Variants in EPB41L3 observed in about 807,000 individuals in gnomAD.
EPB41L3 encodes the protein band 4.1-like protein 3.
In EPB41L3, 57 loss-of-function variants were observed where a neutral mutation model predicts 127.1. That is an observed-to-expected ratio of 0.45 (90% confidence interval 0.36 to 0.56). The LOEUF (loss-of-function observed/expected upper bound fraction) is 0.56, where lower values mean the gene tolerates loss of function less well. Among genes scored for constraint, EPB41L3 ranks in the 20% least tolerant of loss-of-function variants. The pLI, the probability that EPB41L3 is intolerant of heterozygous loss-of-function variation, is 0.00. For synonymous variants in EPB41L3, 572 were observed against 549.5 expected (o/e 1.04, Z -0.57); for missense variants, 1,273 against 1,372.2 (o/e 0.93, Z 1.14).
At position 5,406,915 on chromosome 18, in the gene EPB41L3, C is replaced by T. The variant is rs772020394; in HGVS notation, c.2211G>A (p.Glu737=). Residue 737 remains glutamate (E), a synonymous_variant, in exon 16 of 23, where the codon GAG becomes GAA. Transcript: ENST00000341928. ...AGGTTTCTAAGAAGGTTCTTTTCAG[C>T]TCGCTAATGTTGGTTTGATGTTTCA... ...DLMKHQTNIS[E]LKRTFLETST... is the part of the protein sequence containing the mutation. 6.2e-7 allele frequency: 1 copy of T among 1,614,056 alleles called. No individual in the cohort carries two copies. The highest frequency in any genetic ancestry group is 1.7e-5 in the Admixed American group (1 of 60,012).
At chr18:5,589,722 C>T (rs1785381) in intron 3 of EPB41L3, among the ~76,000 whole-genome samples, 64,964 of 152,096 alleles carry the variant, frequency 0.43, 14,165 homozygotes, top group Non-Finnish European at 0.47. Context: ...GAAAAAGTTA[C>T]GCCAGTCCTC....
chr18:5,524,411 T>C (rs1030063510), intron 1 of EPB41L3, among the ~76,000 whole-genome samples: 10 of 152,130 alleles, frequency 6.6e-5, no homozygotes, highest in Admixed American at 6.5e-4. Context: ...GCCAGGCTGG[T>C]CTCGAACTCC....
At position 5,478,159 on chromosome 18, in the gene EPB41L3, A is replaced by T. The variant is rs577740089; in HGVS notation, c.381+82T>A. 7 of 1,257,678 alleles carry T rather than the reference A, an allele frequency of 5.6e-6. No homozygotes were observed. In the South Asian group the frequency reaches 9.6e-5, roughly 17 times the overall value. 77.9% of individuals were successfully genotyped at this position (1,257,678 alleles called of 1,614,324 possible). On this transcript the variant is annotated intron_variant, in intron 3 of 22. Coordinates refer to ENST00000341928, the MANE Select transcript of EPB41L3 (RefSeq NM_012307.5). ...TAATTTTCCAGAGTCCTAGAAAAAT[A>T]AAGAGGCATCTTGTATATTTTATAC...
chr18:5,540,864 C>T (rs904407769), intron 1 of EPB41L3, among the ~76,000 whole-genome samples: 2 of 151,956 alleles, frequency 1.3e-5, no homozygotes, highest in African/African-American at 2.4e-5. Flanking sequence ...ACGGGTGGAT[C>T]ACGAGGTCAG....
At chr18:5,483,936 G>A (rs970175661) in intron 2 of EPB41L3, among the ~76,000 whole-genome samples, 2 of 150,798 alleles carry the variant, frequency 1.3e-5, no homozygotes, top group African/African-American at 2.4e-5. Flanking sequence ...CAAAGAAACA[G>A]TGGAGTTAAA....
chr18:5,476,982 C>A (rs929303047), intron 3 of EPB41L3, among the ~76,000 whole-genome samples: 6 of 152,188 alleles, frequency 3.9e-5, no homozygotes, highest in South Asian at 2.1e-4. Flanking sequence ...ATACAACAGA[C>A]TAAATAATTT....
intron 15 of EPB41L3, among the ~76,000 whole-genome samples, chr18:5,407,484 T>C (rs992828085): frequency 6.6e-6 from 1 of 152,182 alleles, no homozygotes; most frequent in Non-Finnish European, 1.5e-5. Context: ...TCACCCTTTA[T>C]TCGTTTAATC....
intron 1 of EPB41L3, among the ~76,000 whole-genome samples, chr18:5,515,294 C>T (rs542147594): frequency 7.2e-5 from 11 of 152,304 alleles, no homozygotes; most frequent in African/African-American, 2.6e-4. Context: ...AAAAAGTCTT[C>T]TTCAAGATGG....
chr18:5,527,749 G>A (rs1484988623), intron 1 of EPB41L3, among the ~76,000 whole-genome samples: 1 of 152,206 alleles, frequency 6.6e-6, no homozygotes, highest in Non-Finnish European at 1.5e-5. Flanking sequence ...CTGTGAAAAC[G>A]CAGAGGAAGA....
intron 1 of EPB41L3, among the ~76,000 whole-genome samples, chr18:5,542,001 G>GAT (rs2093743639): frequency 6.6e-6 from 1 of 152,222 alleles, no homozygotes; most frequent in South Asian, 2.1e-4. Context: ...TAATGCAAAT[G>GAT]AGACAGTATT....
chr18:5,630,345 C>G, upstream of EPB41L3: 1 of 517,358 alleles, frequency 1.9e-6, no homozygotes, highest in South Asian at 1.4e-5. Flanking sequence ...TCCCGGCCTA[C>G]GCCCGGCTGC....
chr18:5,466,787 C>G (rs1237719820), intron 3 of EPB41L3, among the ~76,000 whole-genome samples: 1 of 152,124 alleles, frequency 6.6e-6, no homozygotes, highest in Non-Finnish European at 1.5e-5. Context: ...AGAAACTTTT[C>G]CTAGGATATT....
At chr18:5,608,398 A>G (rs1474747363) in intron 3 of EPB41L3, among the ~76,000 whole-genome samples, 5 of 152,228 alleles carry the variant, frequency 3.3e-5, no homozygotes, top group Non-Finnish European at 5.9e-5. Flanking sequence ...AGACCCCTCA[A>G]CAGAAAGAGT....
intron 3 of EPB41L3, among the ~76,000 whole-genome samples, chr18:5,553,242 G>A (rs2093989384): frequency 1.3e-5 from 2 of 152,158 alleles, no homozygotes; most frequent in South Asian, 4.1e-4. Flanking sequence ...CCTCTGCTGT[G>A]TGCCACACAG....
intron 1 of EPB41L3, among the ~76,000 whole-genome samples, chr18:5,616,899 G>A (rs1021753619): frequency 6.6e-6 from 1 of 152,118 alleles, no homozygotes. Context: ...ATAGACATTT[G>A]TGTTGTTTCC....
intron 6 of EPB41L3, 102 bp downstream of exon 6, chr18:5,437,933 G>T: frequency 1.0e-6 from 1 of 991,150 alleles, no homozygotes. Context: ...GAGCGTGGAT[G>T]ATTGTAAGGC....
Position 5,407,709 on chromosome 18 carries a change from T to C in EPB41L3, c.2149A>G (p.Lys717Glu). Residue 717 changes from lysine to glutamate, a missense_variant, in exon 15 of 23, where the codon AAG (lysine) becomes GAG (glutamate). By Grantham distance (56) the Lys-to-Glu change is moderately conservative. Around this residue, in one of 3 missense-constraint regions of EPB41L3, gnomAD observed 765 missense variants for 782.9 expected, o/e 0.98. Coordinates refer to ENST00000341928, the MANE Select transcript of EPB41L3 (RefSeq NM_012307.5). ...ESDQEEDAELKAQELEKTQDD... is the reference protein window; with the variant it reads ...ESDQEEDAELEAQELEKTQDD... ...TATTTTTAATTTTCTACCTGTGCCT[T>C]GAGCTCTGCATCTTCCTCCTGGTCC... 1.2e-6 allele frequency: 2 copies of C among 1,614,002 alleles called. No individual in the cohort carries two copies. Among genetic ancestry groups the C allele is most frequent in the Non-Finnish European group, 1.7e-6 (2 of 1,179,926 alleles).
chr18:5,453,919 C>A (rs1037045772), intron 3 of EPB41L3, among the ~76,000 whole-genome samples: 1 of 152,158 alleles, frequency 6.6e-6, no homozygotes, highest in Admixed American at 6.5e-5. Flanking sequence ...GCTTCCTGCC[C>A]TAATTGCATT....
chr18:5,566,745 T>C (rs1385166057), intron 3 of EPB41L3, among the ~76,000 whole-genome samples: 1 of 132,206 alleles, frequency 7.6e-6, no homozygotes, highest in Non-Finnish European at 1.6e-5. Flanking sequence ...TTCTATTCTA[T>C]TCTATTCTAT....
Sources: allele counts gnomAD v4.1 joint callset (sites outside exome capture counted in the v4.1 genomes callset), GRCh38; gene constraint gnomAD v4.1.1; regional missense constraint gnomAD v4.1.1; transcripts MANE v1.5; gene names NCBI Gene and HGNC (gene_info 2026-07-23, HGNC 2026-07-21).